Variants in CARD10 observed in about 807,000 individuals in gnomAD.
CARD10 encodes caspase recruitment domain-containing protein 10.
In CARD10, 49 loss-of-function variants were observed where a neutral mutation model predicts 114.6. That is an observed-to-expected ratio of 0.43 (90% CI 0.34 to 0.54). CARD10 has a LOEUF of 0.54. Among genes scored for constraint, CARD10 ranks in the 20% least tolerant of loss-of-function variants. The pLI, the probability that CARD10 is intolerant of heterozygous loss-of-function variation, is 0.03. For missense variants in CARD10, 1,206 were observed against 1,397.2 expected (o/e 0.86, Z 2.18); for synonymous variants, 602 against 593.2 (o/e 1.01, Z -0.21).
At position 37,496,391 on chromosome 22, in the gene CARD10, A is replaced by C; in HGVS notation, c.2059+58T>G. 1 of 1,285,140 alleles carries C rather than the reference A, an allele frequency of 7.8e-7. No homozygotes were observed. The highest frequency in any genetic ancestry group is 1.3e-5 in the South Asian group (1 of 79,966). The allele number at this position is 1,285,140 out of a possible 1,614,324, so 79.6% of individuals were successfully genotyped here. A position where few individuals can be genotyped will look rare whatever the true frequency, so the allele number is the denominator to read the frequency against. ...TCCTTGGTCCCTCCCCACCCCATGC[A>C]CCACGGGTTAGAGGACCCCTCTGGG... On this transcript the variant is annotated intron_variant, in intron 13 of 19. Coordinates refer to ENST00000251973, the MANE Select transcript of CARD10 (RefSeq NM_014550.4). This position sits in a 1 kb window ranked among gnomAD's most constrained non-coding sequence, Gnocchi z 4.1.
At chr22:37,498,666 G>C (rs1179416869) in intron 11 of CARD10, among the ~76,000 whole-genome samples, 1 of 152,190 alleles carries the variant, frequency 6.6e-6, no homozygotes, top group Admixed American at 6.5e-5. Context: ...AGGCATGGGA[G>C]GCATCATTCA....
intron 19 of CARD10, 141 bp downstream of exon 19, chr22:37,491,614 G>GAGAGAA: frequency 4.8e-6 from 2 of 412,566 alleles, no homozygotes; most frequent in Non-Finnish European, 8.6e-6. Context: ...AGGGGGGAGG[G>GAGAGAA]GGAGGGAGAG....
chr22:37,491,799 G>C lies in CARD10; in HGVS notation c.2820C>G (p.Ile940Met). 1 of 1,465,694 alleles carries C rather than the reference G, an allele frequency of 6.8e-7. No individual in the cohort carries two copies. Among genetic ancestry groups the C allele is most frequent in the Non-Finnish European group, 9.2e-7 (1 of 1,088,248 alleles). The allele number at this position is 1,465,694 out of a possible 1,614,324, so 90.8% of individuals were successfully genotyped here. A position where few individuals can be genotyped will look rare whatever the true frequency, so the allele number is the denominator to read the frequency against. Residue 940 changes from isoleucine to methionine, a missense_variant, in exon 19 of 20, where the codon ATC becomes ATG. Ile to Met is a conservative substitution (Grantham distance 10). Coordinates refer to ENST00000251973, the MANE Select transcript of CARD10 (RefSeq NM_014550.4). ...TCTCAGTCACCTCCACGTGGATGAC[G>C]ATGGGGTAGATCTCGTTCTGCACCA... ...RELVQNEIYP[I>M]VIHVEVTEKN...
chr22:37,496,903 G>T lies in CARD10; in HGVS notation c.1947+116C>A. 1 of 1,272,414 alleles carries T rather than the reference G, an allele frequency of 7.9e-7. No individual in the cohort carries two copies. Among genetic ancestry groups the T allele is most frequent in the Non-Finnish European group, 1.1e-6 (1 of 920,830 alleles). The allele number at this position is 1,272,414 out of a possible 1,614,324, so 78.8% of individuals were successfully genotyped here. Reference sequence around the variant, plus strand: ...ACAGCTAATCACTGAGCCCGCTTCGGCTTTGACCAATCCCCAGAAGCTCTG... The same window carrying T: ...ACAGCTAATCACTGAGCCCGCTTCGTCTTTGACCAATCCCCAGAAGCTCTG... On this transcript the variant is annotated intron_variant, in intron 12 of 19. Coordinates refer to ENST00000251973, the MANE Select transcript of CARD10 (RefSeq NM_014550.4). The surrounding 1 kb of genome is among the most constrained non-coding windows in gnomAD (Gnocchi z 4.1).
chr22:37,506,198 G>A lies in CARD10; in HGVS notation c.1377C>T (p.Cys459=), dbSNP rs768462838. The A allele has an allele frequency of 2.6e-6, 4 of 1,559,766 alleles. No individual in the cohort carries two copies. The highest frequency in any genetic ancestry group is 2.6e-6 in the Non-Finnish European group (3 of 1,149,312). ...ACAATCTTGACCCGCTCACCTTGAG[G>A]CAGGTGCCACCCTGGGCCCGCTGCA... ...VQLQRAQGGT[C]LKACASSHSL... The change falls in exon 7 of 20, where the codon TGC becomes TGT. Residue 459 remains cysteine (C), a synonymous_variant. Transcript: ENST00000251973.
chr22:37,514,200 A>G (rs1923758503), intron 3 of CARD10, among the ~76,000 whole-genome samples: 2 of 151,906 alleles, frequency 1.3e-5, no homozygotes, highest in African/African-American at 4.8e-5. Context: ...AGAAATGGGG[A>G]AGATAGTGTT....
chr22:37,515,666 C>T (rs944606014), intron 3 of CARD10, among the ~76,000 whole-genome samples: 5 of 152,064 alleles, frequency 3.3e-5, no homozygotes, highest in African/African-American at 1.2e-4. Flanking sequence ...TTGCTGGGGA[C>T]TGTCCTGTGC....
At position 37,492,229 on chromosome 22, in the gene CARD10, G is replaced by A. The variant is rs1404295631; in HGVS notation, c.2751+206C>T. 6.6e-6 allele frequency among the ~76,000 whole-genome samples: 1 copy of A among 152,130 alleles called. No homozygotes were observed. The highest frequency in any genetic ancestry group is 2.4e-5 in the African/African-American group (1 of 41,428). ...GTGTCAGCCAAACACCTCAAGGGGG[G>A]CCCACATGCAGTCAACTGCCCCCAC... On this transcript the variant is annotated intron_variant, in intron 18 of 19. Transcript: ENST00000251973. This position sits in a 1 kb window ranked among gnomAD's most constrained non-coding sequence, Gnocchi z 5.7.
chr22:37,495,274 G>C (rs1310291759), intron 15 of CARD10, among the ~76,000 whole-genome samples: 1 of 152,178 alleles, frequency 6.6e-6, no homozygotes, highest in African/African-American at 2.4e-5. Context: ...CCTGTCAAAT[G>C]CTTATTATGT....
Position 37,508,525 on chromosome 22 carries a change from A to G in CARD10, c.1065+2T>C. On this transcript the variant is annotated splice_donor_variant, in intron 5 of 19. Coordinates refer to ENST00000251973, the MANE Select transcript of CARD10 (RefSeq NM_014550.4). LOFTEE classifies it high-confidence loss of function. Reference sequence around the variant, plus strand: ...AGGGGCAGGGCACGGGCAGGGCCCCACCTGGTCGCGCAGCTCCTCGGCCCA... The same window carrying G: ...AGGGGCAGGGCACGGGCAGGGCCCCGCCTGGTCGCGCAGCTCCTCGGCCCA... The G allele has an allele frequency of 6.3e-7, 1 of 1,588,478 alleles. No homozygotes were observed. Among genetic ancestry groups the G allele is most frequent in the East Asian group, 2.2e-5 (1 of 44,568 alleles).
At chr22:37,515,455 C>T (rs570958962) in intron 3 of CARD10, among the ~76,000 whole-genome samples, 47 of 150,924 alleles carry the variant, frequency 3.1e-4, no homozygotes, top group Admixed American at 9.3e-4. Context: ...CCCAGCTACC[C>T]GGGAAGCTGA....
At chr22:37,498,637 C>T (rs1449920698) in intron 11 of CARD10, among the ~76,000 whole-genome samples, 3 of 152,250 alleles carry the variant, frequency 2.0e-5, no homozygotes, top group East Asian at 3.9e-4. Context: ...AGAGCCAGGC[C>T]GAGGGGCTGG....
rs777106332 is a variant in CARD10 at position 37,519,180 on chromosome 22, C to T, written c.21G>A (p.Ala7=). The T allele has an allele frequency of 1.4e-5, 21 of 1,532,514 alleles. No homozygotes were observed. In the South Asian group the frequency reaches 2.0e-4, roughly 15 times the overall value. 94.9% of individuals were successfully genotyped at this position (1,532,514 alleles called of 1,614,324 possible). A position where few individuals can be genotyped will look rare whatever the true frequency, so the allele number is the denominator to read the frequency against. Residue 7 remains alanine, a synonymous_variant, in exon 1 of 20, where the codon GCG becomes GCA. Transcript: ENST00000251973. This position sits in a 1 kb window ranked among gnomAD's most constrained non-coding sequence, Gnocchi z 4.1. Reference sequence around the variant, plus strand: ...CCCCGGCCTCCTCCTCGGCCTCCCCCGCCTCCGCCCGGCCCGGCATGGCCG... The same window carrying T: ...CCCCGGCCTCCTCCTCGGCCTCCCCTGCCTCCGCCCGGCCCGGCATGGCCG... MPGRAE[A]GEAEEEAGAG...
chr22:37,518,884 G>A, intron 1 of CARD10, 82 bp downstream of exon 1: 2 of 1,426,806 alleles, frequency 1.4e-6, no homozygotes, highest in South Asian at 1.4e-5. Context: ...CAGAGCCCTA[G>A]CTTCGCGCTA....
chr22:37,491,625 AGGGGGAAGGAGAGAG>A (rs1922795509), intron 19 of CARD10, 115 bp downstream of exon 19: 3 of 135,160 alleles, frequency 2.2e-5, no homozygotes, highest in Non-Finnish European at 4.3e-5. Flanking sequence ...GGAGGGAGAG[AGGGGGAAGGAGAGAG>A]AGGGGGAGGG....
At chr22:37,515,563 CA>C (rs754752709) in intron 3 of CARD10, among the ~76,000 whole-genome samples, 29,428 of 73,722 alleles carry the variant, frequency 0.4, 3,669 homozygotes, top group African/African-American at 0.57. Flanking sequence ...GACTCCATCT[CA>C]AAAAAAAAAA....
intron 4 of CARD10, 30 bp from the exon 5 acceptor site, chr22:37,508,712 G>A: frequency 6.5e-7 from 1 of 1,530,132 alleles, no homozygotes; most frequent in African/African-American, 1.4e-5. Context: ...GCCACCTCAG[G>A]GTCTGGCTAG....
chr22:37,504,822 C>A, intron 7 of CARD10, 53 bp from the exon 8 acceptor site: 1 of 1,186,734 alleles, frequency 8.4e-7, no homozygotes, highest in Non-Finnish European at 1.1e-6. Context: ...CCCACGTCAA[C>A]CACAGTCCTT....
intron 19 of CARD10, 36 bp from the exon 20 acceptor site, chr22:37,491,429 G>A: frequency 7.1e-7 from 1 of 1,400,542 alleles, no homozygotes. Flanking sequence ...TCAAAGTGGG[G>A]GACCAAGACA....
Sources: gnomAD v4.1 joint callset for allele counts (sites outside exome capture counted in the v4.1 genomes callset) on GRCh38, gnomAD v4.1.1 for gene constraint, Gnocchi (gnomAD v3.1) non-coding constraint, MANE v1.5 for transcripts, NCBI Gene and HGNC (gene_info 2026-07-23, HGNC 2026-07-21) for gene names.